TNIK: variants seen among roughly 807,000 people sequenced by gnomAD.
TNIK encodes TRAF2 and NCK-interacting protein kinase.
In TNIK, 49 loss-of-function variants were observed where a neutral mutation model predicts 191.3. The ratio of observed to expected loss-of-function variants is 0.26; its 90% CI spans 0.20 to 0.32. The LOEUF (loss-of-function observed/expected upper bound fraction) is 0.32. Among genes scored for constraint, TNIK ranks in the 10% least tolerant of loss-of-function variants. The pLI, the probability that TNIK is intolerant of heterozygous loss-of-function variation, is 1.00. For synonymous variants in TNIK, 594 were observed against 600.9 expected (o/e 0.99, Z 0.17); for missense variants, 1,155 against 1,702.3 (o/e 0.68, Z 5.66).
At chr3:171,344,711 TACA>T (rs1711878742) in intron 2 of TNIK, among the ~76,000 whole-genome samples, 1 of 132,054 alleles carries the variant, frequency 7.6e-6, no homozygotes, top group Non-Finnish European at 1.8e-5. Flanking sequence ...TACCTCTTTT[TACA>T]ACATTACGAA....
At chr3:171,237,185 G>T (rs9827306) in intron 2 of TNIK, among the ~76,000 whole-genome samples, 2,294 of 152,080 alleles carry the variant, frequency 0.015, 22 homozygotes, top group South Asian at 0.031. Context: ...ACACAAATCG[G>T]GACCCATTTG....
rs546582392 is a variant in TNIK, at chr3:171,175,563, G to C, written c.695-233C>G. The stretch of plus-strand genomic sequence containing the variant: ...CATAGCTACTGCTAACATTTCTAGT[G>C]AATACATGTTTACTTCATATTTAAG... On this transcript the variant is annotated intron_variant, in intron 8 of 32. Coordinates refer to ENST00000436636, the MANE Select transcript of TNIK (RefSeq NM_015028.4). Among the ~76,000 whole-genome samples, 82 of 152,266 alleles carry C rather than the reference G, an allele frequency of 5.4e-4. 4 individuals are homozygous for C. The highest frequency in any genetic ancestry group is 1.8e-3 in the African/African-American group (76 of 41,540).
chr3:171,415,688 A>T (rs1046479609), intron 1 of TNIK, among the ~76,000 whole-genome samples: 8 of 151,640 alleles, frequency 5.3e-5, no homozygotes, highest in Non-Finnish European at 1.0e-4. Flanking sequence ...TCAGTTGATT[A>T]AAAAAAAATT....
intron 29 of TNIK, 136 bp from the exon 30 acceptor site, chr3:171,069,133 G>A (rs1012125623): frequency 8.9e-7 from 1 of 1,119,676 alleles, no homozygotes; most frequent in African/African-American, 1.6e-5. Flanking sequence ...TTCAGTTTTA[G>A]GTCTGTTGAT....
At chr3:171,109,306 C>T (rs13093797) in intron 19 of TNIK, among the ~76,000 whole-genome samples, 66,474 of 152,004 alleles carry the variant, frequency 0.44, 16,468 homozygotes, top group Non-Finnish European at 0.57. Context: ...GGACTACAGG[C>T]GTAAGCCACT....
At chr3:171,139,962 A>T (rs1730585235) in intron 13 of TNIK, among the ~76,000 whole-genome samples, 1 of 152,242 alleles carries the variant, frequency 6.6e-6, no homozygotes, top group Admixed American at 6.5e-5. Flanking sequence ...TGTCTTTGTA[A>T]TGGAACCATC....
intron 24 of TNIK, 138 bp downstream of exon 24, chr3:171,087,204 G>T: frequency 1.6e-6 from 2 of 1,214,410 alleles, no homozygotes; most frequent in Non-Finnish European, 1.1e-6. Context: ...TTGAGTATCT[G>T]CATAAGTAGC....
chr3:171,107,188 C>T lies in TNIK; in HGVS notation c.2401G>A (p.Asp801Asn), dbSNP rs1725034855. 5 of 1,612,330 alleles carry T rather than the reference C, an allele frequency of 3.1e-6. No individual in the cohort carries two copies. Among genetic ancestry groups the T allele is most frequent in the Middle Eastern group, 1.6e-4 (1 of 6,082 alleles). Reference protein sequence around the residue: ...SRPASYKKAIDEDLTALAKEL... With the variant: ...SRPASYKKAINEDLTALAKEL... ...CAAGAAAAGGTAATACTAACCTCAT[C>T]TATAGCTTTTTTGTAGCTCTGAAAT... Residue 801 changes from aspartate to asparagine, a missense_variant, in exon 21 of 33, where the codon GAT becomes AAT. Coordinates refer to ENST00000436636, the MANE Select transcript of TNIK (RefSeq NM_015028.4).
chr3:171,094,173 C>T lies in TNIK; in HGVS notation c.2592-205G>A, dbSNP rs570164407. 2.1e-4 allele frequency among the ~76,000 whole-genome samples: 32 copies of T among 150,856 alleles called. 1 individual carries two copies. The highest frequency in any genetic ancestry group is 1.8e-3 in the East Asian group (9 of 5,136). On this transcript the variant is annotated intron_variant, in intron 22 of 32. Transcript: ENST00000436636. ...TTTTTGAGAAGGAGTCTCGCCTTGT[C>T]GCCCAGGCTGGAGTGCAGTGGCGCG...
intron 2 of TNIK, among the ~76,000 whole-genome samples, chr3:171,295,584 C>T (rs1752201808): frequency 1.3e-5 from 2 of 152,336 alleles, no homozygotes; most frequent in East Asian, 3.9e-4. Context: ...AAAGTCTTTG[C>T]TTTCTGACAG....
chr3:171,402,038 C>T (rs1721017268), intron 1 of TNIK, among the ~76,000 whole-genome samples: 1 of 152,174 alleles, frequency 6.6e-6, no homozygotes, highest in Non-Finnish European at 1.5e-5. Flanking sequence ...TGTTAAACCC[C>T]TCAAACAAGA....
chr3:171,454,783 A>G (rs1047908690), intron 1 of TNIK, among the ~76,000 whole-genome samples: 1 of 152,242 alleles, frequency 6.6e-6, no homozygotes, highest in Non-Finnish European at 1.5e-5. Context: ...CTCTGGAGTA[A>G]TGAACTAATA....
intron 20 of TNIK, 116 bp downstream of exon 20, chr3:171,107,946 TCCG>T: frequency 4.2e-6 from 4 of 952,740 alleles, no homozygotes; most frequent in Non-Finnish European, 4.6e-6. Context: ...GTTTCTAGCA[TCCG>T]TTCTTACTAA....
intron 2 of TNIK, among the ~76,000 whole-genome samples, chr3:171,346,145 A>T (rs1211484814): frequency 6.6e-6 from 1 of 152,202 alleles, no homozygotes; most frequent in East Asian, 1.9e-4. Flanking sequence ...AGAGGATCAC[A>T]GGCAGATGAA....
chr3:171,303,185 T>C (rs73879526), intron 2 of TNIK, among the ~76,000 whole-genome samples: 1,611 of 152,276 alleles, frequency 0.011, 25 homozygotes, highest in African/African-American at 0.036. Context: ...TTACCTTTTA[T>C]TGTTCAATTA....
intron 2 of TNIK, among the ~76,000 whole-genome samples, chr3:171,367,481 G>T (rs913431525): frequency 2.6e-5 from 4 of 151,432 alleles, no homozygotes; most frequent in Admixed American, 6.6e-5. Flanking sequence ...TTTGGGGGGG[G>T]GGGGAGGGGA....
intron 14 of TNIK, 151 bp downstream of exon 14, chr3:171,139,319 C>T (rs1730445325): frequency 4.6e-6 from 3 of 657,706 alleles, no homozygotes; most frequent in Non-Finnish European, 7.9e-6. Flanking sequence ...TTTGAGGTCC[C>T]TGAGGCTTAG....
chr3:171,306,891 G>T (rs958239549), intron 2 of TNIK, among the ~76,000 whole-genome samples: 5 of 152,066 alleles, frequency 3.3e-5, no homozygotes, highest in Non-Finnish European at 4.4e-5. Context: ...CTGCTGCCGT[G>T]GTGATGGGAA....
intron 18 of TNIK, among the ~76,000 whole-genome samples, chr3:171,119,765 G>T (rs192017749): frequency 4.9e-4 from 74 of 150,462 alleles, no homozygotes; most frequent in African/African-American, 1.8e-3. Flanking sequence ...CATGGACACA[G>T]TAAGGGGAAC....
Sources: gnomAD v4.1 joint callset for allele counts (sites outside exome capture counted in the v4.1 genomes callset) on GRCh38, gnomAD v4.1.1 for gene constraint, MANE v1.5 for transcripts, NCBI Gene and HGNC (gene_info 2026-07-23, HGNC 2026-07-21) for gene names.